The following ZMYND8 variants were observed in gnomAD, a reference collection of about 807,000 sequenced individuals.
The protein encoded by ZMYND8 is zinc finger MYND-type containing 8.
Under a neutral mutation model 140.8 loss-of-function variants are expected in ZMYND8, and 37 were observed. The observed-to-expected ratio is 0.26, with a 90% CI of 0.20 to 0.35. The LOEUF (loss-of-function observed/expected upper bound fraction) is 0.35, where lower values mean the gene tolerates loss of function less well. ZMYND8 is among the 10% of genes least tolerant of loss of function. The pLI, the probability that ZMYND8 is intolerant of heterozygous loss-of-function variation, is 1.00. For missense variants in ZMYND8, 1,068 were observed against 1,570.0 expected (o/e 0.68, Z 5.40); for synonymous variants, 592 against 597.1 (o/e 0.99, Z 0.12).
chr20:47,294,184 C>G (rs2077485149), intron 5 of ZMYND8, among the ~76,000 whole-genome samples: 1 of 142,020 alleles, frequency 7.0e-6, no homozygotes, highest in Admixed American at 7.0e-5. Context: ...CCCATCTCTA[C>G]TAAAAATACA....
chr20:47,356,424 G>A (rs1334858770), intron 1 of ZMYND8: 2 of 1,538,388 alleles, frequency 1.3e-6, no homozygotes, highest in Admixed American at 3.9e-5. Flanking sequence ...TGCCCTGGTG[G>A]AAGGAAAGGT....
In ZMYND8 at chr20:47,210,489, A is replaced by AG. The variant is rs1266003276; in HGVS notation, c.*271dup. 2.0e-5 allele frequency: 6 copies of AG among 303,620 alleles called. No homozygotes were observed. The highest frequency in any genetic ancestry group is 3.0e-5 in the Non-Finnish European group (5 of 166,616). 18.8% of individuals were successfully genotyped at this position (303,620 alleles called of 1,614,324 possible). On this transcript the variant is annotated 3_prime_UTR_variant, in exon 23 of 23. Transcript: ENST00000471951. ...AGTTAAAGTTAATACAAATATAAAA[A>AG]GGGGAAAGTCCTCTAGATTCAATGA...
intron 15 of ZMYND8, 81 bp downstream of exon 15, chr20:47,238,677 A>AG (rs2039560521): frequency 1.3e-6 from 2 of 1,541,650 alleles, no homozygotes; most frequent in Non-Finnish European, 1.7e-6. Context: ...AAAAAAAAAA[A>AG]TAAAAGAGCA....
chr20:47,327,799 A>C (rs76353072), intron 2 of ZMYND8, among the ~76,000 whole-genome samples: 2,396 of 152,234 alleles, frequency 0.016, 71 homozygotes, highest in African/African-American at 0.054. Context: ...AGATAATTAA[A>C]TCTATAACTT....
chr20:47,279,328 G>A (rs1200926206), intron 10 of ZMYND8, among the ~76,000 whole-genome samples: 4 of 151,966 alleles, frequency 2.6e-5, no homozygotes, highest in Non-Finnish European at 4.4e-5. Context: ...AAATTAGCCG[G>A]ATGTGGTGGC....
At chr20:47,350,521 GA>G (rs1296070287) in intron 1 of ZMYND8, among the ~76,000 whole-genome samples, 4 of 151,370 alleles carry the variant, frequency 2.6e-5, no homozygotes, top group Non-Finnish European at 5.9e-5. Context: ...AAAAAAAAAT[GA>G]ATATTACATC....
At chr20:47,249,746 A>G (rs572917471) in intron 12 of ZMYND8, among the ~76,000 whole-genome samples, 8 of 152,192 alleles carry the variant, frequency 5.3e-5, no homozygotes, top group Non-Finnish European at 4.4e-5. Flanking sequence ...ATCATTAGGG[A>G]CCCTCCAAAG....
At chr20:47,238,551 A>C in intron 15 of ZMYND8, 1 of 897,396 alleles carries the variant, frequency 1.1e-6, no homozygotes, top group Non-Finnish European at 1.7e-6. Flanking sequence ...TATAAAATGA[A>C]CAAAAAAAAC....
intron 13 of ZMYND8, among the ~76,000 whole-genome samples, chr20:47,248,482 C>T (rs4810622): frequency 0.21 from 31,777 of 152,194 alleles, 4,307 homozygotes; most frequent in African/African-American, 0.39. Context: ...CCCACTGACA[C>T]TCAGAGGAGC....
In ZMYND8 at chr20:47,276,506, G is replaced by A. The variant is rs762779878; in HGVS notation, c.1288C>T (p.Leu430=). ...NFDMTASPKI[L]MSKPVLSGGT... ...CCACTCAGCACAGGCTTGCTCATCA[G>A]GATCTTGGGGGATGCCGTCATGTCA... Residue 430 remains leucine (L), a synonymous_variant, in exon 11 of 23, where the codon CTG becomes TTG. Coordinates refer to ENST00000471951, the MANE Select transcript of ZMYND8 (RefSeq NM_001281775.3). The A allele has an allele frequency of 3.1e-6, 5 of 1,614,104 alleles. No individual in the cohort carries two copies. The highest frequency in any genetic ancestry group is 1.1e-5 in the South Asian group (1 of 91,082).
intron 11 of ZMYND8, among the ~76,000 whole-genome samples, chr20:47,273,854 T>C (rs2076103197): frequency 6.6e-6 from 1 of 152,194 alleles, no homozygotes; most frequent in South Asian, 2.1e-4. Context: ...CTAAAATACA[T>C]ACTATCTAGC....
intron 9 of ZMYND8, among the ~76,000 whole-genome samples, chr20:47,282,735 A>G (rs921916598): frequency 4.6e-5 from 7 of 151,844 alleles, no homozygotes; most frequent in African/African-American, 1.7e-4. Context: ...AAAAAAAAAA[A>G]ACAAAAAAAA....
intron 18 of ZMYND8, among the ~76,000 whole-genome samples, chr20:47,225,341 A>G (rs527350249): frequency 5.3e-5 from 8 of 151,854 alleles, no homozygotes; most frequent in Admixed American, 2.0e-4. Flanking sequence ...CAGATGGATC[A>G]CCTGAGGTCA....
At chr20:47,301,422 C>T (rs1447532719) in intron 3 of ZMYND8, among the ~76,000 whole-genome samples, 6 of 152,186 alleles carry the variant, frequency 3.9e-5, no homozygotes, top group Non-Finnish European at 8.8e-5. Context: ...TCCCAAAGTG[C>T]TGGGATTACA....
intron 16 of ZMYND8, among the ~76,000 whole-genome samples, chr20:47,232,906 G>GTTTTTTTTTTTTTTTTTT (rs758568932): frequency 8.1e-6 from 1 of 123,426 alleles, no homozygotes; most frequent in Non-Finnish European, 1.6e-5. Context: ...TGTTTTTTTT[G>GTTTTTTTTTTTTTTTTTT]TTTTTTTTTT....
intron 2 of ZMYND8, among the ~76,000 whole-genome samples, chr20:47,341,411 C>A (rs2081868472): frequency 6.6e-6 from 1 of 151,360 alleles, no homozygotes; most frequent in African/African-American, 2.4e-5. Flanking sequence ...CCTATAGTCC[C>A]AGCTACTTAG....
chr20:47,218,668 T>C (rs2036478098), intron 21 of ZMYND8, among the ~76,000 whole-genome samples: 1 of 152,128 alleles, frequency 6.6e-6, no homozygotes, highest in African/African-American at 2.4e-5. Context: ...AAAGACATCT[T>C]AGCACTAAAC....
chr20:47,338,231 C>T (rs901011513), intron 2 of ZMYND8, among the ~76,000 whole-genome samples: 2 of 152,080 alleles, frequency 1.3e-5, no homozygotes, highest in Non-Finnish European at 2.9e-5. Flanking sequence ...GCTATTGTCC[C>T]TGAGGAGGCT....
chr20:47,248,606 T>C (rs1325648348), intron 13 of ZMYND8, among the ~76,000 whole-genome samples: 6 of 152,192 alleles, frequency 3.9e-5, no homozygotes, highest in South Asian at 2.1e-4. Context: ...CCAAGTACCA[T>C]AGAGAAGGCA....
Sources: gnomAD v4.1 joint callset for allele counts (sites outside exome capture counted in the v4.1 genomes callset) on GRCh38, gnomAD v4.1.1 for gene constraint, MANE v1.5 for transcripts, NCBI Gene and HGNC (gene_info 2026-07-23, HGNC 2026-07-21) for gene names.